WDR48: variants seen among roughly 807,000 people sequenced by gnomAD.
The protein encoded by WDR48 is WD repeat domain 48, also known as WD repeat-containing protein 48.
A neutral mutation model predicts 94.0 loss-of-function variants in WDR48; 22 were observed. The observed-to-expected ratio is 0.23, with a 90% CI of 0.17 to 0.33. The LOEUF is 0.33. Among genes scored for constraint, WDR48 ranks in the 10% least tolerant of loss-of-function variants. The pLI, the probability that WDR48 is intolerant of heterozygous loss-of-function variation, is 1.00. For synonymous variants in WDR48, 278 were observed against 280.5 expected, an observed-to-expected ratio of 0.99 and a Z score of 0.09; for missense variants, 541 against 813.8, an observed-to-expected ratio of 0.66 and a Z score of 4.08.
intron 1 of WDR48, 69 bp downstream of exon 1, chr3:39,052,142 T>G: frequency 6.3e-7 from 1 of 1,586,086 alleles, no homozygotes; most frequent in Non-Finnish European, 8.6e-7. Context: ...AGCTAGAAGG[T>G]GCCCGGCGCC....
chr3:39,094,471 A>G, intron 18 of WDR48, 177 bp from the exon 19 acceptor site: 4 of 1,534,610 alleles, frequency 2.6e-6, no homozygotes, highest in Non-Finnish European at 3.5e-6. Context: ...AAAGATGTAC[A>G]TCTCACTAAG....
Position 39,085,546 on chromosome 3 carries a change from C to A in WDR48, c.1410C>A (p.Leu470=). The change falls in exon 14 of 19, where the codon CTC becomes CTA. Residue 470 remains leucine, a synonymous_variant. Transcript: ENST00000302313. ...LNLGGLLLQA[L]LEYWPRTHVN... Reference sequence around the variant, plus strand: ...TAGGAGGACTTTTACTCCAAGCACTCCTGGAATATTGGCCTAGAACACATG... The same window carrying A: ...TAGGAGGACTTTTACTCCAAGCACTACTGGAATATTGGCCTAGAACACATG... 1 of 1,612,294 alleles carries A rather than the reference C, an allele frequency of 6.2e-7. No homozygotes were observed. The highest frequency in any genetic ancestry group is 8.5e-7 in the Non-Finnish European group (1 of 1,179,546).
chr3:39,084,053 A>T, intron 11 of WDR48, 102 bp from the exon 12 acceptor site: 1 of 758,898 alleles, frequency 1.3e-6, no homozygotes, highest in Admixed American at 2.6e-5. Flanking sequence ...AGACTGTTTC[A>T]CTTAGACACA....
At chr3:39,054,818 A>AAG (rs140716521) in intron 1 of WDR48, among the ~76,000 whole-genome samples, 2 of 152,052 alleles carry the variant, frequency 1.3e-5, no homozygotes, top group African/African-American at 2.4e-5. Context: ...GGAGGCCTCA[A>AAG]AGAGAGAGAG....
rs560599028 is a variant in WDR48 at position 39,088,314 on chromosome 3, G to A, written c.1580+81G>A. On this transcript the variant is annotated intron_variant, in intron 15 of 18. Transcript: ENST00000302313. ...AGTGTCGACTCAAACTCAGTATTTC[G>A]ATATTAGAAATAGTTTATTATTAAA... The A allele has an allele frequency of 2.7e-5, 35 of 1,316,440 alleles. 1 individual carries two copies. In the East Asian group the frequency reaches 3.5e-4, roughly 13 times the overall value. 81.5% of individuals were successfully genotyped at this position (1,316,440 alleles called of 1,614,324 possible).
At chr3:39,082,545 G>T (rs1238255321) in intron 11 of WDR48, among the ~76,000 whole-genome samples, 1 of 152,116 alleles carries the variant, frequency 6.6e-6, no homozygotes, top group African/African-American at 2.4e-5. Flanking sequence ...CTCCCACAGT[G>T]CTGAGATTAC....
At chr3:39,068,641 G>T in intron 5 of WDR48, 130 bp from the exon 6 acceptor site, 2 of 588,688 alleles carry the variant, frequency 3.4e-6, no homozygotes, top group Non-Finnish European at 6.2e-6. Flanking sequence ...TCCATTATAG[G>T]TAGATTTCTT....
intron 7 of WDR48, among the ~76,000 whole-genome samples, chr3:39,072,779 G>GCAC (rs1393538483): frequency 6.6e-6 from 1 of 152,134 alleles, no homozygotes; most frequent in Admixed American, 6.5e-5. Flanking sequence ...AAGATCTCAG[G>GCAC]CACTATAATT....
At chr3:39,093,067 A>G (rs2035170193) in intron 17 of WDR48, among the ~76,000 whole-genome samples, 1 of 152,322 alleles carries the variant, frequency 6.6e-6, no homozygotes. Flanking sequence ...TGGGACATAC[A>G]GAGTTTGAGG....
At chr3:39,065,505 A>C (rs1283654240) in intron 2 of WDR48, among the ~76,000 whole-genome samples, 1 of 151,732 alleles carries the variant, frequency 6.6e-6, no homozygotes, top group Non-Finnish European at 1.5e-5. Flanking sequence ...AAAGGGTTTT[A>C]TGTCACACAC....
chr3:39,063,617 A>G (rs532960027), intron 2 of WDR48, among the ~76,000 whole-genome samples: 3 of 152,180 alleles, frequency 2.0e-5, no homozygotes, highest in African/African-American at 7.2e-5. Flanking sequence ...AGTAATTAGG[A>G]TCCTCACAAA....
intron 13 of WDR48, 106 bp downstream of exon 13, chr3:39,084,847 T>A (rs1211735644): frequency 2.3e-6 from 2 of 867,648 alleles, no homozygotes; most frequent in Non-Finnish European, 3.6e-6. Context: ...TATATTTTGT[T>A]GACTATGTCC....
In WDR48 at chr3:39,074,767, C is replaced by A. The variant is rs765239917; in HGVS notation, c.714C>A (p.Ser238=). 2 of 1,614,168 alleles carry A rather than the reference C, an allele frequency of 1.2e-6. No homozygotes were observed. Among genetic ancestry groups the A allele is most frequent in the South Asian group, 1.1e-5 (1 of 91,084 alleles). Residue 238 remains serine, a synonymous_variant, in exon 8 of 19, where the codon TCC becomes TCA. Coordinates refer to ENST00000302313, the MANE Select transcript of WDR48 (RefSeq NM_020839.4). ...CTGATGGGACAATTCGCCTTTGGTCCCTTGGCCAGCAGAGATGTATAGCAA... is the reference window on the plus strand; with the variant it reads ...CTGATGGGACAATTCGCCTTTGGTCACTTGGCCAGCAGAGATGTATAGCAA... The part of the protein sequence containing the change: ...GSSDGTIRLW[S]LGQQRCIATY...
chr3:39,072,370 A>G (rs373103367), intron 7 of WDR48, among the ~76,000 whole-genome samples: 1 of 152,202 alleles, frequency 6.6e-6, no homozygotes, highest in Admixed American at 6.5e-5. Flanking sequence ...ATGTCACTCA[A>G]AGGGTTCTTT....
At chr3:39,052,315 A>G (rs1474564421) in intron 1 of WDR48, 2 of 515,390 alleles carry the variant, frequency 3.9e-6, no homozygotes, top group Non-Finnish European at 7.0e-6. Flanking sequence ...TGAGCCCGGG[A>G]TTGCTTGTCG....
chr3:39,065,430 A>T (rs2033544177), intron 2 of WDR48, among the ~76,000 whole-genome samples: 1 of 151,628 alleles, frequency 6.6e-6, no homozygotes, highest in Admixed American at 6.6e-5. Context: ...CTTCACCACC[A>T]CTCATTCAAA....
At chr3:39,078,341 A>G (rs1428303093) in intron 10 of WDR48, 102 bp downstream of exon 10, 3 of 803,000 alleles carry the variant, frequency 3.7e-6, no homozygotes, top group Admixed American at 2.6e-5. Context: ...TATAATCCTG[A>G]TGTAAACAAA....
intron 11 of WDR48, among the ~76,000 whole-genome samples, chr3:39,081,614 T>C (rs1028183150): frequency 6.6e-6 from 1 of 152,232 alleles, no homozygotes; most frequent in Non-Finnish European, 1.5e-5. Context: ...GATTCTTCAC[T>C]TTGATACTCT....
Position 39,077,159 on chromosome 3 carries a change from T to C in WDR48, c.918T>C (p.Ala306=), listed in dbSNP as rs1234978109. The change falls in exon 9 of 19, where the codon GCT becomes GCC. Residue 306 remains alanine (A), a synonymous_variant. Transcript: ENST00000302313. ...TTCAGATGGAGCTTGATAGATCAGC[T>C]GATCCTCCTCCTGCAATTTGGGTTG... The part of the protein sequence containing the change: ...PVLKMELDRS[A]DPPPAIWVAT... 6.2e-7 allele frequency: 1 copy of C among 1,614,186 alleles called. No individual in the cohort carries two copies. Among genetic ancestry groups the C allele is most frequent in the Non-Finnish European group, 8.5e-7 (1 of 1,180,030 alleles).
Sources: gnomAD v4.1 joint callset for allele counts (sites outside exome capture counted in the v4.1 genomes callset) on GRCh38, gnomAD v4.1.1 for gene constraint, MANE v1.5 for transcripts, NCBI Gene and HGNC (gene_info 2026-07-23, HGNC 2026-07-21) for gene names.